Variants in ZNF442 observed in about 807,000 individuals in gnomAD.
ZNF442 encodes zinc finger protein 442.
A neutral mutation model predicts 57.0 loss-of-function variants in ZNF442; 45 were observed. That is an observed-to-expected ratio of 0.79 (90% CI 0.62 to 1.01). ZNF442 has a LOEUF of 1.01. Ranked by LOEUF, ZNF442 falls within the 50% of genes least tolerant of loss-of-function variation. The pLI is 0.00. For missense variants in ZNF442, 690 were observed against 756.5 expected, an observed-to-expected ratio of 0.91 and a Z score of 1.03; for synonymous variants, 213 against 241.8, an observed-to-expected ratio of 0.88 and a Z score of 1.10.
At chr19:12,360,124 T>A (rs1421728540) in intron 3 of ZNF442, among the ~76,000 whole-genome samples, 4 of 152,286 alleles carry the variant, frequency 2.6e-5, no homozygotes, top group South Asian at 2.1e-4. Context: ...ATTTTATTTT[T>A]TTTGAGACTG....
Position 12,350,029 on chromosome 19 carries a change from T to G in ZNF442, c.1556A>C (p.Lys519Thr). 6.2e-7 allele frequency: 1 copy of G among 1,614,172 alleles called. No homozygotes were observed. Among genetic ancestry groups the G allele is most frequent in the Non-Finnish European group, 8.5e-7 (1 of 1,180,016 alleles). Residue 519 changes from lysine to threonine, a missense_variant, in exon 6 of 6, where the codon AAA becomes ACA. Transcript: ENST00000242804. ...THMAEKPYEC[K>T]TCKKAFSHFG... ...ATGACTGAAGGCTTTCTTACATGTT[T>G]TACATTCATAAGGTTTTTCAGCCAT... is the stretch of plus-strand genomic sequence containing the variant.
chr19:12,361,281 T>C (rs1329305069), intron 3 of ZNF442, among the ~76,000 whole-genome samples: 6 of 152,228 alleles, frequency 3.9e-5, no homozygotes, highest in Non-Finnish European at 5.9e-5. Flanking sequence ...ACTACTTCCA[T>C]AATAATAAAG....
At chr19:12,362,994 CA>C (rs1321199696) in intron 3 of ZNF442, among the ~76,000 whole-genome samples, 4 of 137,238 alleles carry the variant, frequency 2.9e-5, no homozygotes, top group African/African-American at 1.4e-4. Context: ...ATACAAAAAA[CA>C]AAACAAAAAA....
In ZNF442 at chr19:12,350,527, A is replaced by C. The variant is rs774736416; in HGVS notation, c.1058T>G (p.Ile353Arg). 1 of 1,612,026 alleles carries C rather than the reference A, an allele frequency of 6.2e-7. No homozygotes were observed. The highest frequency in any genetic ancestry group is 1.7e-5 in the Admixed American group (1 of 59,778). ...HTGDGPHKCK[I>R]CGKGFDCPSS... Reference sequence around the variant, plus strand: ...AGGACAATCAAAGCCTTTCCCACATATCTTACATTTATGAGGTCCATCTCC... The same window carrying C: ...AGGACAATCAAAGCCTTTCCCACATCTCTTACATTTATGAGGTCCATCTCC... Residue 353 changes from isoleucine (I) to arginine (R), a missense_variant, in exon 6 of 6, where the codon ATA becomes AGA. Coordinates refer to ENST00000242804, the MANE Select transcript of ZNF442 (RefSeq NM_030824.3).
rs1039803924 is a variant in ZNF442, at chr19:12,347,215, A to G, written c.*2486T>C. 1 of 152,220 alleles carries G rather than the reference A, an allele frequency of 6.6e-6. No individual in the cohort carries two copies. Among genetic ancestry groups the G allele is most frequent in the South Asian group, 2.1e-4 (1 of 4,836 alleles). The allele number at this position is 152,220 out of a possible 1,614,324, so 9.4% of individuals were successfully genotyped here. A position where few individuals can be genotyped will look rare whatever the true frequency, so the allele number is the denominator to read the frequency against. Reference sequence around the variant, plus strand: ...GCTCTTATCAAGGCCCCCAGTGACCAAATACTTGCCAAAATCTACAGTCAA... The same window carrying G: ...GCTCTTATCAAGGCCCCCAGTGACCGAATACTTGCCAAAATCTACAGTCAA... On this transcript the variant is annotated 3_prime_UTR_variant, in exon 6 of 6. Transcript: ENST00000242804.
chr19:12,361,332 G>C (rs1312331304), intron 3 of ZNF442, among the ~76,000 whole-genome samples: 1 of 152,144 alleles, frequency 6.6e-6, no homozygotes, highest in African/African-American at 2.4e-5. Flanking sequence ...TTAGCTGTTG[G>C]AAAGTCCTGT....
chr19:12,370,537 G>C (rs535578448), upstream of ZNF442, among the ~76,000 whole-genome samples: 4 of 152,190 alleles, frequency 2.6e-5, no homozygotes, highest in Admixed American at 2.0e-4. Flanking sequence ...ACTGGTTCTG[G>C]TTTACTCTGG....
At chr19:12,363,204 C>T (rs1969467922) in intron 3 of ZNF442, among the ~76,000 whole-genome samples, 1 of 150,992 alleles carries the variant, frequency 6.6e-6, no homozygotes, top group Admixed American at 6.6e-5. Context: ...ACATATGTGA[C>T]CTGTTTTCTG....
chr19:12,364,407 CAA>C (rs35227073), intron 2 of ZNF442, among the ~76,000 whole-genome samples: 18 of 93,080 alleles, frequency 1.9e-4, no homozygotes, highest in Non-Finnish European at 2.0e-4. Flanking sequence ...AACTCCATCT[CAA>C]AAAAAAAAAA....
rs765381011 is a variant in ZNF442 at position 12,349,768 on chromosome 19, C to G, written c.1817G>C (p.Gly606Ala). ...GEKMHECKEC[G>A]KALSSLSSLH... ...GGAACTGAGAGAACTCAGTGCCTTC[C>G]CACATTCCTTACATTCATGCATCTT... The change falls in exon 6 of 6, where the codon GGG becomes GCG. Residue 606 changes from glycine to alanine, a missense_variant. Coordinates refer to ENST00000242804, the MANE Select transcript of ZNF442 (RefSeq NM_030824.3). 6.2e-7 allele frequency: 1 copy of G among 1,614,058 alleles called. No individual in the cohort carries two copies. Among genetic ancestry groups the G allele is most frequent in the East Asian group, 2.2e-5 (1 of 44,896 alleles).
intron 3 of ZNF442, among the ~76,000 whole-genome samples, chr19:12,355,403 C>A (rs1263587550): frequency 6.7e-6 from 1 of 148,760 alleles, no homozygotes; most frequent in African/African-American, 2.5e-5. Flanking sequence ...CTCTTATTAC[C>A]CAGGCTGGAG....
chr19:12,362,854 T>A (rs935117127), intron 3 of ZNF442, among the ~76,000 whole-genome samples: 3 of 151,180 alleles, frequency 2.0e-5, no homozygotes, highest in Non-Finnish European at 4.4e-5. Flanking sequence ...CTCCATTTTG[T>A]TCTGTACTAA....
rs577805896 is a variant in ZNF442, at chr19:12,348,183, A to G, written c.*1518T>C. 1 of 152,166 alleles carries G rather than the reference A, an allele frequency of 6.6e-6. No individual in the cohort carries two copies. The highest frequency in any genetic ancestry group is 1.9e-4 in the East Asian group (1 of 5,154). 9.4% of individuals were successfully genotyped at this position (152,166 alleles called of 1,614,324 possible). A position where few individuals can be genotyped will look rare whatever the true frequency, so the allele number is the denominator to read the frequency against. ...AACATGGTGAAACCCCATCTCTACTAAAAATAAAAATTAGCCAGGCATGGT... is the reference window on the plus strand; with the variant it reads ...AACATGGTGAAACCCCATCTCTACTGAAAATAAAAATTAGCCAGGCATGGT... On this transcript the variant is annotated 3_prime_UTR_variant, in exon 6 of 6. Transcript: ENST00000242804.
upstream of ZNF442, among the ~76,000 whole-genome samples, chr19:12,367,966 A>C (rs10411986): frequency 0.31 from 47,832 of 151,896 alleles, 8,356 homozygotes; most frequent in African/African-American, 0.48. Flanking sequence ...CCACACCTGG[A>C]AGGGTCTCAA....
chr19:12,368,577 C>T (rs559606202), upstream of ZNF442, among the ~76,000 whole-genome samples: 3 of 152,258 alleles, frequency 2.0e-5, no homozygotes, highest in Admixed American at 6.5e-5. Context: ...AGTCCCTTCA[C>T]CAAATGGGAC....
At chr19:12,364,348 G>A (rs1003968953) in intron 2 of ZNF442, among the ~76,000 whole-genome samples, 1 of 149,968 alleles carries the variant, frequency 6.7e-6, no homozygotes, top group African/African-American at 2.5e-5. Flanking sequence ...CGGAGGTTGC[G>A]GTGAGCCGAC....
chr19:12,373,701 G>A, the ZNF442 span: 13 of 290,866 alleles, frequency 4.5e-5, no homozygotes, highest in Non-Finnish European at 7.1e-5. Context: ...GTAAGTATGC[G>A]AAGGATGTAG....
upstream of ZNF442, among the ~76,000 whole-genome samples, chr19:12,368,380 A>G (rs550288133): frequency 6.6e-6 from 1 of 152,316 alleles, no homozygotes; most frequent in African/African-American, 2.4e-5. Context: ...GACTGCAGTA[A>G]AGACAGGCGT....
intron 3 of ZNF442, among the ~76,000 whole-genome samples, chr19:12,362,248 T>C (rs180780363): frequency 0.045 from 6,661 of 149,132 alleles, 508 homozygotes; most frequent in African/African-American, 0.16. Flanking sequence ...CACCTCTTCC[T>C]GGCCGTCATC....
Sources: allele counts gnomAD v4.1 joint callset (sites outside exome capture counted in the v4.1 genomes callset), GRCh38; gene constraint gnomAD v4.1.1; transcripts MANE v1.5; gene names NCBI Gene and HGNC (gene_info 2026-07-23, HGNC 2026-07-21).